EFNA5: variants seen among roughly 807,000 people sequenced by gnomAD.
EFNA5 encodes ephrin-A5.
A neutral mutation model predicts 22.9 loss-of-function variants in EFNA5; 5 were observed. That is an observed-to-expected ratio of 0.22 (90% CI 0.11 to 0.46). EFNA5 has a LOEUF of 0.46. Among genes scored for constraint, EFNA5 ranks in the 20% least tolerant of loss-of-function variants. The probability of loss-of-function intolerance (pLI) is 0.99; values close to 1 mark genes in which losing one functional copy is unlikely to be tolerated. For missense variants in EFNA5, 237 were observed against 293.3 expected, an observed-to-expected ratio of 0.81 and a Z score of 1.40; for synonymous variants, 113 against 112.2, an observed-to-expected ratio of 1.01 and a Z score of -0.04.
intron 1 of EFNA5, among the ~76,000 whole-genome samples, chr5:107,653,120 A>AG (rs939259223): frequency 6.6e-6 from 1 of 152,044 alleles, no homozygotes; most frequent in Non-Finnish European, 1.5e-5. Context: ...CTGGAATCTG[A>AG]GGGTTTACCC....
intron 1 of EFNA5, among the ~76,000 whole-genome samples, chr5:107,608,416 C>T (rs1246242449): frequency 2.0e-5 from 3 of 152,202 alleles, no homozygotes; most frequent in South Asian, 4.1e-4. Context: ...CCTCATTCAT[C>T]GTAAAAATTC....
At chr5:107,633,886 C>T (rs1435188241) in intron 1 of EFNA5, among the ~76,000 whole-genome samples, 1 of 152,062 alleles carries the variant, frequency 6.6e-6, no homozygotes. Flanking sequence ...TTATTTTTGG[C>T]CCTAGATCTA....
intron 1 of EFNA5, among the ~76,000 whole-genome samples, chr5:107,492,907 G>A (rs145600097): frequency 2.0e-5 from 3 of 151,872 alleles, no homozygotes; most frequent in African/African-American, 7.2e-5. Context: ...GCTGAGGTAG[G>A]AGGATCGCTT....
At chr5:107,496,336 C>CAAAA (rs77916124) in intron 1 of EFNA5, among the ~76,000 whole-genome samples, 87 of 79,810 alleles carry the variant, frequency 1.1e-3, no homozygotes, top group African/African-American at 3.3e-3. Context: ...AATTCCATCT[C>CAAAA]AAAAAAAAAA....
chr5:107,644,595 T>C (rs578117600), intron 1 of EFNA5, among the ~76,000 whole-genome samples: 63 of 152,360 alleles, frequency 4.1e-4, no homozygotes, highest in African/African-American at 1.5e-3. Flanking sequence ...AAAATCTTTG[T>C]TAATTACCTA....
At chr5:107,474,612 A>T (rs1452380114) in intron 1 of EFNA5, among the ~76,000 whole-genome samples, 1 of 152,194 alleles carries the variant, frequency 6.6e-6, no homozygotes, top group Non-Finnish European at 1.5e-5. Flanking sequence ...TCACCCACCT[A>T]TAGCATCCTG....
chr5:107,443,913 T>C (rs954837724), intron 1 of EFNA5, among the ~76,000 whole-genome samples: 1 of 152,168 alleles, frequency 6.6e-6, no homozygotes, highest in Non-Finnish European at 1.5e-5. Context: ...ATGGTGTAAA[T>C]GTAAAGTACA....
chr5:107,509,017 C>T (rs551502422), intron 1 of EFNA5, among the ~76,000 whole-genome samples: 2 of 152,238 alleles, frequency 1.3e-5, no homozygotes, highest in African/African-American at 2.4e-5. Context: ...TACCTAGGAG[C>T]AAACTTCAGG....
chr5:107,631,266 C>CACAT (rs1166985049), intron 1 of EFNA5, among the ~76,000 whole-genome samples: 1 of 149,452 alleles, frequency 6.7e-6, no homozygotes, highest in Non-Finnish European at 1.5e-5. Context: ...AACACACACA[C>CACAT]ACACACACAC....
intron 1 of EFNA5, among the ~76,000 whole-genome samples, chr5:107,578,812 A>T (rs1477113338): frequency 6.6e-6 from 1 of 152,200 alleles, no homozygotes; most frequent in Non-Finnish European, 1.5e-5. Context: ...TGCTGTCTGA[A>T]ATTAAAAGGG....
At chr5:107,487,596 G>A (rs543035208) in intron 1 of EFNA5, among the ~76,000 whole-genome samples, 1 of 152,190 alleles carries the variant, frequency 6.6e-6, no homozygotes, top group African/African-American at 2.4e-5. Context: ...GCAGCCAGCA[G>A]GTGTCAAATT....
intron 1 of EFNA5, among the ~76,000 whole-genome samples, chr5:107,473,990 C>T (rs539918077): frequency 6.6e-6 from 1 of 152,254 alleles, no homozygotes; most frequent in South Asian, 2.1e-4. Flanking sequence ...ATAGCAAATA[C>T]ATGACTATCA....
chr5:107,670,748 G>C lies in EFNA5; in HGVS notation c.-135C>G. ...TATGAATAAATAAAAATGAAAGTGG[G>C]CGAGAAAGGAAAGAGGCGCCCACCA... On this transcript the variant is annotated 5_prime_UTR_variant, in exon 1 of 5. Coordinates refer to ENST00000333274, the MANE Select transcript of EFNA5 (RefSeq NM_001962.3). 7.8e-7 allele frequency: 1 copy of C among 1,280,696 alleles called. No homozygotes were observed. Among genetic ancestry groups the C allele is most frequent in the Non-Finnish European group, 1.1e-6 (1 of 941,152 alleles). 79.3% of individuals were successfully genotyped at this position (1,280,696 alleles called of 1,614,324 possible).
chr5:107,390,993 T>C (rs556537073), intron 2 of EFNA5, among the ~76,000 whole-genome samples: 1 of 152,150 alleles, frequency 6.6e-6, no homozygotes, highest in South Asian at 2.1e-4. Context: ...ACCCTGTCTC[T>C]ACGAAAAATG....
chr5:107,379,064 G>A lies in EFNA5; in HGVS notation c.*2191C>T, dbSNP rs557170632. On this transcript the variant is annotated 3_prime_UTR_variant, in exon 5 of 5. Coordinates refer to ENST00000333274, the MANE Select transcript of EFNA5 (RefSeq NM_001962.3). ...TAAATAGCTAAAGGAAAAAGGAATT[G>A]AATGCCGTGAACTTTTGTTTTGGTG... The A allele has an allele frequency of 6.6e-6, 1 of 152,126 alleles. No individual in the cohort carries two copies. Among genetic ancestry groups the A allele is most frequent in the Non-Finnish European group, 1.5e-5 (1 of 68,036 alleles). The allele number at this position is 152,126 out of a possible 1,614,324, so 9.4% of individuals were successfully genotyped here. A position where few individuals can be genotyped will look rare whatever the true frequency, so the allele number is the denominator to read the frequency against.
At chr5:107,450,266 A>G (rs1458767069) in intron 1 of EFNA5, among the ~76,000 whole-genome samples, 1 of 152,152 alleles carries the variant, frequency 6.6e-6, no homozygotes, top group East Asian at 1.9e-4. Flanking sequence ...GTGTTTGTTT[A>G]GGATTCCAAA....
intron 1 of EFNA5, among the ~76,000 whole-genome samples, chr5:107,453,738 G>A (rs1273686893): frequency 6.6e-6 from 1 of 152,158 alleles, no homozygotes; most frequent in Non-Finnish European, 1.5e-5. Context: ...GAAGACCTTA[G>A]CAGCAGCAGG....
At chr5:107,420,541 G>C (rs7734581) in intron 2 of EFNA5, among the ~76,000 whole-genome samples, 1 of 114,702 alleles carries the variant, frequency 8.7e-6, no homozygotes, top group Non-Finnish European at 1.9e-5. Flanking sequence ...AAAAAAAAAA[G>C]AAAAAAAAAA....
intron 1 of EFNA5, among the ~76,000 whole-genome samples, chr5:107,551,977 A>C (rs1269496759): frequency 6.6e-6 from 1 of 152,084 alleles, no homozygotes; most frequent in Non-Finnish European, 1.5e-5. Context: ...TATGACCAAC[A>C]CTTTCAGCTA....
Sources: gnomAD v4.1 joint callset for allele counts (sites outside exome capture counted in the v4.1 genomes callset) on GRCh38, gnomAD v4.1.1 for gene constraint, MANE v1.5 for transcripts, NCBI Gene and HGNC (gene_info 2026-07-23, HGNC 2026-07-21) for gene names.